Variants in INPP4B observed in about 807,000 individuals in gnomAD.
INPP4B encodes the protein inositol polyphosphate-4-phosphatase type II B, also known as inositol polyphosphate 4-phosphatase type II.
In INPP4B, 55 loss-of-function variants were observed where a neutral mutation model predicts 122.5. The ratio of observed to expected loss-of-function variants is 0.45; its 90% CI spans 0.36 to 0.56. The LOEUF (loss-of-function observed/expected upper bound fraction) is 0.56, where lower values mean the gene tolerates loss of function less well. Among genes scored for constraint, INPP4B ranks in the 20% least tolerant of loss-of-function variants. The pLI, the probability that INPP4B is intolerant of heterozygous loss-of-function variation, is 0.00. For missense variants in INPP4B, 1,000 were observed against 1,097.7 expected (o/e 0.91, Z 1.26); for synonymous variants, 403 against 388.7 (o/e 1.04, Z -0.43).
chr4:142,532,739 C>T (rs544667000), intron 2 of INPP4B, among the ~76,000 whole-genome samples: 21 of 152,104 alleles, frequency 1.4e-4, no homozygotes, highest in African/African-American at 4.8e-4. Context: ...TGGAATATGA[C>T]AAAATACTTA....
At chr4:142,095,973 T>C (rs1781627180) in intron 23 of INPP4B, 1 of 152,212 alleles carries the variant, frequency 6.6e-6, no homozygotes, top group African/African-American at 2.4e-5. Context: ...TAACTTCTTT[T>C]CCCTGGTGAG....
intron 2 of INPP4B, among the ~76,000 whole-genome samples, chr4:142,593,826 C>T (rs1018159400): frequency 2.0e-5 from 3 of 152,002 alleles, no homozygotes; most frequent in African/African-American, 4.8e-5. Flanking sequence ...CTATTTCCTA[C>T]TCCATAGTTA....
intron 2 of INPP4B, among the ~76,000 whole-genome samples, chr4:142,472,341 C>T (rs1320172956): frequency 6.7e-6 from 1 of 150,280 alleles, no homozygotes; most frequent in East Asian, 2.0e-4. Context: ...AAAAAAAAGT[C>T]ATTGTGTCCA....
chr4:142,728,856 T>C (rs1221433984), intron 1 of INPP4B, among the ~76,000 whole-genome samples: 1 of 152,216 alleles, frequency 6.6e-6, no homozygotes, highest in Non-Finnish European at 1.5e-5. Context: ...TAATTAGTGG[T>C]AATGTGTTAT....
chr4:142,750,124 AGATT>A (rs1247889629), intron 1 of INPP4B, among the ~76,000 whole-genome samples: 2 of 152,078 alleles, frequency 1.3e-5, no homozygotes, highest in Admixed American at 1.3e-4. Context: ...GACACAAGAT[AGATT>A]AAGTACATTT....
intron 2 of INPP4B, among the ~76,000 whole-genome samples, chr4:142,643,206 A>T (rs773653200): frequency 3.9e-5 from 6 of 152,102 alleles, no homozygotes; most frequent in Admixed American, 2.0e-4. Context: ...CAATCATGCC[A>T]TCTGCAAACA....
chr4:142,336,545 C>A (rs777745553), intron 7 of INPP4B, among the ~76,000 whole-genome samples: 32 of 152,362 alleles, frequency 2.1e-4, no homozygotes, highest in Middle Eastern at 3.4e-3. Context: ...AATATGCCCC[C>A]ACTATTTGCC....
At chr4:142,542,395 A>G (rs1289684146) in intron 2 of INPP4B, among the ~76,000 whole-genome samples, 1 of 152,224 alleles carries the variant, frequency 6.6e-6, no homozygotes, top group East Asian at 1.9e-4. Flanking sequence ...CTTCCCTGTT[A>G]TAGGAAAATA....
intron 7 of INPP4B, among the ~76,000 whole-genome samples, chr4:142,371,933 G>A (rs1244616014): frequency 6.6e-6 from 1 of 150,944 alleles, no homozygotes; most frequent in Non-Finnish European, 1.5e-5. Context: ...ACTACTGTTA[G>A]TATTTATCAA....
intron 1 of INPP4B, among the ~76,000 whole-genome samples, chr4:142,787,060 A>G (rs1775862550): frequency 1.3e-5 from 2 of 152,178 alleles, no homozygotes; most frequent in African/African-American, 4.8e-5. Flanking sequence ...TGTTAAAAAT[A>G]AGGGAAACTG....
chr4:142,218,469 A>T (rs1848187189), intron 12 of INPP4B, among the ~76,000 whole-genome samples: 1 of 152,196 alleles, frequency 6.6e-6, no homozygotes, highest in Admixed American at 6.5e-5. Context: ...TAATTATTGT[A>T]ATAATGAGTA....
In INPP4B at chr4:142,029,872, T is replaced by C. The variant is rs147589409; in HGVS notation, c.2643-958A>G. 2.5e-4 allele frequency: 276 copies of C among 1,116,892 alleles called. 1 individual carries two copies. In the African/African-American group the frequency reaches 4.0e-3, roughly 16 times the overall value. The allele number at this position is 1,116,892 out of a possible 1,614,324, so 69.2% of individuals were successfully genotyped here. Reference sequence around the variant, plus strand: ...TTTCAGGATTCTGTTCTTTGTCTTATTCCAAAGACAGTAATTTAAAAATTC... The same window carrying C: ...TTTCAGGATTCTGTTCTTTGTCTTACTCCAAAGACAGTAATTTAAAAATTC... On this transcript the variant is annotated intron_variant, in intron 25 of 25. Coordinates refer to ENST00000262992, the MANE Select transcript of INPP4B (RefSeq NM_001101669.3).
At chr4:142,426,614 T>C (rs562833783) in intron 5 of INPP4B, 1 of 152,106 alleles carries the variant, frequency 6.6e-6, no homozygotes, top group South Asian at 2.1e-4. Flanking sequence ...AGCTGCTCAA[T>C]TGACTAAGTA....
intron 2 of INPP4B, chr4:142,583,765 T>C (rs895897132): frequency 1.3e-5 from 2 of 152,168 alleles, no homozygotes; most frequent in African/African-American, 4.8e-5. Context: ...CAATATTACT[T>C]GGCTTATAAA....
Position 142,405,306 on chromosome 4 carries a change from G to A in INPP4B, c.155C>T (p.Ala52Val). ...EFILACKDLV[A>V]PVRDRKLNTL... Reference sequence around the variant, plus strand: ...ATTCAGTTTACGATCACGGACAGGAGCCACGAGATCCTTGCATGCTGGCAA... The same window carrying A: ...ATTCAGTTTACGATCACGGACAGGAACCACGAGATCCTTGCATGCTGGCAA... The change falls in exon 6 of 26, where the codon GCT becomes GTT. Residue 52 changes from alanine (A) to valine (V), a missense_variant. Ala to Val is a moderately conservative substitution (Grantham distance 64, BLOSUM62 0). Transcript: ENST00000262992. 1.2e-6 allele frequency: 2 copies of A among 1,609,782 alleles called. No homozygotes were observed. Among genetic ancestry groups the A allele is most frequent in the Non-Finnish European group, 1.7e-6 (2 of 1,176,452 alleles).
intron 7 of INPP4B, among the ~76,000 whole-genome samples, chr4:142,396,046 T>C (rs1799255883): frequency 6.6e-6 from 1 of 152,168 alleles, no homozygotes; most frequent in Non-Finnish European, 1.5e-5. Flanking sequence ...TTAAATCTCA[T>C]GTTAAGTGTT....
chr4:142,659,022 G>T (rs1213137790), intron 2 of INPP4B, among the ~76,000 whole-genome samples: 1 of 152,096 alleles, frequency 6.6e-6, no homozygotes, highest in East Asian at 1.9e-4. Flanking sequence ...CATTCTTGCT[G>T]CACTTTATGC....
intron 1 of INPP4B, among the ~76,000 whole-genome samples, chr4:142,777,495 A>G (rs1257811093): frequency 1.3e-5 from 2 of 152,096 alleles, no homozygotes; most frequent in Admixed American, 6.6e-5. Flanking sequence ...AAGCTCCAGA[A>G]AAAAATGCAG....
intron 8 of INPP4B, among the ~76,000 whole-genome samples, chr4:142,308,105 T>C (rs746944006): frequency 1.3e-5 from 2 of 152,140 alleles, no homozygotes; most frequent in African/African-American, 4.8e-5. Flanking sequence ...GGCTTGTCCA[T>C]CTCCTAGCTG....
Sources: gnomAD v4.1 joint callset for allele counts (sites outside exome capture counted in the v4.1 genomes callset) on GRCh38, gnomAD v4.1.1 for gene constraint, MANE v1.5 for transcripts, NCBI Gene and HGNC (gene_info 2026-07-23, HGNC 2026-07-21) for gene names.